Variants in ZZZ3 observed in about 807,000 individuals in gnomAD.
ZZZ3 encodes the protein ZZ-type zinc finger-containing protein 3.
Under a neutral mutation model 95.2 loss-of-function variants are expected in ZZZ3, and 22 were observed. The ratio of observed to expected loss-of-function variants is 0.23; its 90% CI spans 0.17 to 0.33. The LOEUF is 0.33. ZZZ3 is among the 10% of genes least tolerant of loss of function. The pLI is 1.00. For synonymous variants in ZZZ3, 335 were observed against 358.9 expected, an observed-to-expected ratio of 0.93 and a Z score of 0.75; for missense variants, 885 against 1,066.5, an observed-to-expected ratio of 0.83 and a Z score of 2.37.
chr1:77,682,428 T>A (rs1275237980), intron 1 of ZZZ3, among the ~76,000 whole-genome samples, 157 bp downstream of exon 1: 1 of 152,060 alleles, frequency 6.6e-6, no homozygotes, highest in African/African-American at 2.4e-5. Flanking sequence ...GAGGGGTGCA[T>A]ATGCTTTTGC....
chr1:77,571,003 T>A (rs4949814), intron 12 of ZZZ3, among the ~76,000 whole-genome samples: 92,746 of 151,568 alleles, frequency 0.61, 30,507 homozygotes, highest in Non-Finnish European at 0.74. Flanking sequence ...CAACTAAAGA[T>A]GTTTGATGAT....
chr1:77,574,123 TATAG>T (rs904163039), intron 12 of ZZZ3, among the ~76,000 whole-genome samples: 3 of 148,304 alleles, frequency 2.0e-5, no homozygotes, highest in African/African-American at 7.3e-5. Flanking sequence ...TAGATATATA[TATAG>T]ATAGATTTAC....
At chr1:77,577,225 A>G (rs1292084528) in intron 11 of ZZZ3, among the ~76,000 whole-genome samples, 1 of 152,258 alleles carries the variant, frequency 6.6e-6, no homozygotes, top group Non-Finnish European at 1.5e-5. Context: ...AGATCTTCAC[A>G]GCCAAAATAC....
intron 1 of ZZZ3, among the ~76,000 whole-genome samples, chr1:77,652,054 C>T (rs918272838): frequency 2.7e-5 from 4 of 150,370 alleles, no homozygotes; most frequent in East Asian, 1.9e-4. Flanking sequence ...GTAACTTTTA[C>T]GTTACATATA....
At chr1:77,606,748 T>G (rs770780893) in intron 5 of ZZZ3, among the ~76,000 whole-genome samples, 15 of 152,258 alleles carry the variant, frequency 9.9e-5, no homozygotes, top group African/African-American at 3.4e-4. Flanking sequence ...AGTATGTCTG[T>G]AAGAACTACA....
At chr1:77,680,691 T>C (rs929143835) in intron 1 of ZZZ3, among the ~76,000 whole-genome samples, 34 of 152,170 alleles carry the variant, frequency 2.2e-4, no homozygotes, top group African/African-American at 7.5e-4. Context: ...CACTCTCCAA[T>C]TGAGATCACT....
rs1269756834 is a variant in ZZZ3 at position 77,564,681 on chromosome 1, G to A, written c.*959C>T. On this transcript the variant is annotated 3_prime_UTR_variant, in exon 15 of 15. Coordinates refer to ENST00000370801, the MANE Select transcript of ZZZ3 (RefSeq NM_015534.6). ...CATGTGAACCCTTGCTCACTGTGCA[G>A]ACTAAATTTAATCACTTGTTTAAAT... The A allele has an allele frequency of 2.0e-5, 3 of 152,596 alleles. No individual in the cohort carries two copies. Among genetic ancestry groups the A allele is most frequent in the Non-Finnish European group, 4.4e-5 (3 of 68,018 alleles). 9.5% of individuals were successfully genotyped at this position (152,596 alleles called of 1,614,324 possible). A position where few individuals can be genotyped will look rare whatever the true frequency, so the allele number is the denominator to read the frequency against.
At chr1:77,587,603 C>T (rs1019776792) in intron 5 of ZZZ3, among the ~76,000 whole-genome samples, 1 of 152,182 alleles carries the variant, frequency 6.6e-6, no homozygotes, top group African/African-American at 2.4e-5. Context: ...GACTGTACTA[C>T]TCCTTCTGGG....
chr1:77,598,360 C>A (rs186821975), intron 5 of ZZZ3, among the ~76,000 whole-genome samples: 46 of 152,198 alleles, frequency 3.0e-4, no homozygotes, highest in African/African-American at 1.1e-3. Context: ...ATTATCCTCA[C>A]ATTGAATAGG....
chr1:77,572,884 G>T (rs780339125), intron 12 of ZZZ3, among the ~76,000 whole-genome samples: 12 of 151,334 alleles, frequency 7.9e-5, no homozygotes, highest in African/African-American at 1.7e-4. Flanking sequence ...AGGCTCAAGC[G>T]ATCCTCCTGC....
intron 12 of ZZZ3, among the ~76,000 whole-genome samples, chr1:77,573,705 G>T (rs992676008): frequency 1.6e-4 from 24 of 152,098 alleles, no homozygotes; most frequent in African/African-American, 5.6e-4. Flanking sequence ...AAATTTTTAT[G>T]AATACAGTTA....
chr1:77,613,905 A>C (rs867612774), intron 5 of ZZZ3, among the ~76,000 whole-genome samples: 1 of 152,164 alleles, frequency 6.6e-6, no homozygotes, highest in African/African-American at 2.4e-5. Context: ...CTTAGACTGA[A>C]TGCCACAATA....
At chr1:77,646,836 G>A (rs1011683408) in intron 1 of ZZZ3, among the ~76,000 whole-genome samples, 2 of 152,194 alleles carry the variant, frequency 1.3e-5, no homozygotes, top group Non-Finnish European at 2.9e-5. Flanking sequence ...GGTGTCCCAA[G>A]CAAGCTCAGT....
At position 77,565,476 on chromosome 1, in the gene ZZZ3, C is replaced by T; in HGVS notation, c.*164G>A. 1.5e-6 allele frequency: 1 copy of T among 647,190 alleles called. No homozygotes were observed. The allele number at this position is 647,190 out of a possible 1,614,324, so 40.1% of individuals were successfully genotyped here. A position where few individuals can be genotyped will look rare whatever the true frequency, so the allele number is the denominator to read the frequency against. On this transcript the variant is annotated 3_prime_UTR_variant, in exon 15 of 15. Coordinates refer to ENST00000370801, the MANE Select transcript of ZZZ3 (RefSeq NM_015534.6). ...TCAGCTGCTGAACAGTGATCTAGAG[C>T]CACAACGGTGCAGAGCTGTACTTGA...
intron 11 of ZZZ3, among the ~76,000 whole-genome samples, chr1:77,576,998 T>C (rs529912857): frequency 3.9e-5 from 6 of 152,312 alleles, no homozygotes; most frequent in African/African-American, 1.4e-4. Context: ...AAGTTTCTTG[T>C]TCAGTGTGTT....
intron 5 of ZZZ3, among the ~76,000 whole-genome samples, chr1:77,629,657 C>G (rs116439438): frequency 6.6e-6 from 1 of 152,028 alleles, no homozygotes; most frequent in Non-Finnish European, 1.5e-5. Context: ...AAAAAAAGTG[C>G]TATCCTTCAA....
chr1:77,579,197 C>CTAAGGCAATGA (rs1662259709), intron 10 of ZZZ3, among the ~76,000 whole-genome samples: 1 of 152,066 alleles, frequency 6.6e-6, no homozygotes, highest in Non-Finnish European at 1.5e-5. Flanking sequence ...TTTAGAAAGA[C>CTAAGGCAATGA]AACCAGGAAA....
intron 5 of ZZZ3, among the ~76,000 whole-genome samples, chr1:77,598,236 TTAAAA>T (rs758949604): frequency 2.0e-5 from 3 of 152,136 alleles, no homozygotes; most frequent in Non-Finnish European, 2.9e-5. Context: ...TACTATATTC[TTAAAA>T]TAAAGTAAGC....
chr1:77,566,493 A>G (rs1660842904), intron 13 of ZZZ3, among the ~76,000 whole-genome samples: 1 of 152,190 alleles, frequency 6.6e-6, no homozygotes, highest in Non-Finnish European at 1.5e-5. Context: ...GTTATTTGTA[A>G]TCATCTACTT....
Sources: allele counts gnomAD v4.1 joint callset (sites outside exome capture counted in the v4.1 genomes callset), GRCh38; gene constraint gnomAD v4.1.1; transcripts MANE v1.5; gene names NCBI Gene and HGNC (gene_info 2026-07-23, HGNC 2026-07-21).